The following MOK variants were observed in gnomAD, a reference collection of about 807,000 sequenced individuals.
MOK encodes the protein MAPK/MAK/MRK overlapping kinase.
MOK carries 59 observed loss-of-function variants against 54.2 expected under a neutral mutation model. The observed-to-expected ratio is 1.09, with a 90% CI of 0.88 to 1.35. The LOEUF (loss-of-function observed/expected upper bound fraction) is 1.35, where lower values mean the gene tolerates loss of function less well. Ranked by LOEUF, MOK falls within the 40% of genes most tolerant of loss-of-function variation. The pLI, the probability that MOK is intolerant of heterozygous loss-of-function variation, is 0.00. For synonymous variants in MOK, 210 were observed against 202.7 expected (o/e 1.04, Z -0.31); for missense variants, 517 against 526.2 (o/e 0.98, Z 0.17).
chr14:102,253,580 G>A (rs1460087111), intron 4 of MOK, among the ~76,000 whole-genome samples: 1 of 152,216 alleles, frequency 6.6e-6, no homozygotes, highest in African/African-American at 2.4e-5. Flanking sequence ...TTTCACAGGA[G>A]AGGCCGTTTA....
At chr14:102,222,964 C>T, downstream of MOK, 1 of 1,563,616 alleles carries the variant, frequency 6.4e-7, no homozygotes, top group Non-Finnish European at 8.8e-7. The surrounding 1 kb of genome is among the most constrained non-coding windows in gnomAD (Gnocchi z 4.4). Context: ...TGCGCCTGAG[C>T]CGTGCCAGCC....
chr14:102,281,498 C>CAA (rs1184533713), intron 2 of MOK, among the ~76,000 whole-genome samples: 44 of 48,216 alleles, frequency 9.1e-4, no homozygotes, highest in Admixed American at 1.3e-3. Context: ...GACCCTGACT[C>CAA]AAAAAAAAAA....
At chr14:102,253,864 A>C (rs902511793) in intron 4 of MOK, among the ~76,000 whole-genome samples, 1 of 152,238 alleles carries the variant, frequency 6.6e-6, no homozygotes, top group African/African-American at 2.4e-5. Flanking sequence ...ACCATTTGAC[A>C]CTTTTGGTCC....
At chr14:102,242,769 T>C (rs1478479508) in intron 7 of MOK, among the ~76,000 whole-genome samples, 1 of 152,204 alleles carries the variant, frequency 6.6e-6, no homozygotes, top group Non-Finnish European at 1.5e-5. Context: ...TCAACCAAAT[T>C]GTTTTGCCTA....
In MOK at chr14:102,231,004, A is replaced by G. The variant is rs544094671; in HGVS notation, c.981+703T>C. On this transcript the variant is annotated intron_variant, in intron 10 of 11. Coordinates refer to ENST00000361847, the MANE Select transcript of MOK (RefSeq NM_014226.3). This position sits in a 1 kb window ranked among gnomAD's most constrained non-coding sequence, Gnocchi z 4.4. ...CCCAGCTCCCAAGCGGTCAGGGAGC[A>G]CTCGGTAAAGGCTGGGAGGAGCGAG... The G allele has an allele frequency of 3.3e-5, 5 of 152,402 alleles. No homozygotes were observed. Among genetic ancestry groups the G allele is most frequent in the Admixed American group, 2.6e-4 (4 of 15,298 alleles). 9.4% of individuals were successfully genotyped at this position (152,402 alleles called of 1,614,324 possible).
the MOK span, among the ~76,000 whole-genome samples, chr14:102,216,912 G>T: frequency 6.6e-6 from 1 of 152,138 alleles, no homozygotes; most frequent in African/African-American, 2.4e-5. Flanking sequence ...CAGCCTGGGC[G>T]ACAGAGCGAG....
At chr14:102,251,208 T>G (rs1025747337) in intron 6 of MOK, among the ~76,000 whole-genome samples, 2 of 152,258 alleles carry the variant, frequency 1.3e-5, no homozygotes, top group Non-Finnish European at 2.9e-5. Context: ...TCTGGCTGTT[T>G]CACATATATT....
chr14:102,226,762 T>C (rs940182613), downstream of MOK, among the ~76,000 whole-genome samples: 5 of 152,150 alleles, frequency 3.3e-5, no homozygotes, highest in African/African-American at 9.7e-5. The surrounding 1 kb of genome is among the most constrained non-coding windows in gnomAD (Gnocchi z 4.8). Context: ...ATCATCACCC[T>C]CGGAATCTCC....
At chr14:102,298,125 T>G (rs544945835) in intron 1 of MOK, among the ~76,000 whole-genome samples, 13 of 152,326 alleles carry the variant, frequency 8.5e-5, no homozygotes, top group Non-Finnish European at 1.8e-4. Flanking sequence ...TGGTGTGGGA[T>G]CCACTAGGTG....
At chr14:102,247,667 C>T (rs2066192854) in intron 7 of MOK, among the ~76,000 whole-genome samples, 1 of 152,224 alleles carries the variant, frequency 6.6e-6, no homozygotes, top group Non-Finnish European at 1.5e-5. Flanking sequence ...GATTCTTTAG[C>T]AGCAGCGCTT....
At chr14:102,256,498 C>A (rs1002795783) in intron 4 of MOK, among the ~76,000 whole-genome samples, 3 of 151,490 alleles carry the variant, frequency 2.0e-5, no homozygotes, top group African/African-American at 7.3e-5. Flanking sequence ...GGCGTGAACC[C>A]GGGAGGCGGA....
chr14:102,226,960 C>G (rs1376095613), downstream of MOK, among the ~76,000 whole-genome samples: 1 of 152,114 alleles, frequency 6.6e-6, no homozygotes, highest in Non-Finnish European at 1.5e-5. This position sits in a 1 kb window ranked among gnomAD's most constrained non-coding sequence, Gnocchi z 4.8. Flanking sequence ...CCGAGTCTAA[C>G]TAAACCAGGA....
At chr14:102,265,011 C>T (rs1349213410) in intron 3 of MOK, among the ~76,000 whole-genome samples, 1 of 152,298 alleles carries the variant, frequency 6.6e-6, no homozygotes, top group Non-Finnish European at 1.5e-5. Flanking sequence ...AGGCAGGCAC[C>T]GAGGGACAAG....
chr14:102,221,218 T>C (rs909965672), downstream of MOK, among the ~76,000 whole-genome samples: 7 of 152,234 alleles, frequency 4.6e-5, no homozygotes, highest in African/African-American at 1.7e-4. The surrounding 1 kb of genome is among the most constrained non-coding windows in gnomAD (Gnocchi z 4.8). Flanking sequence ...GTGGCCCCTC[T>C]CCGTCTGTCC....
In MOK at chr14:102,260,045, G is replaced by C. The variant is rs978065205; in HGVS notation, c.283+3501C>G. On this transcript the variant is annotated intron_variant, in intron 4 of 11. Transcript: ENST00000361847. ...ATACAAAATTAGCTGGGGTGGTGGCGCATGCCTGTAATCCCAGCTACTTGG... is the reference window on the plus strand; with the variant it reads ...ATACAAAATTAGCTGGGGTGGTGGCCCATGCCTGTAATCCCAGCTACTTGG... Among the ~76,000 whole-genome samples, 3 of 152,062 alleles carry C rather than the reference G, an allele frequency of 2.0e-5. No homozygotes were observed. In the South Asian group the frequency reaches 6.2e-4, roughly 32 times the overall value.
chr14:102,247,809 C>T (rs1416721527), intron 7 of MOK, among the ~76,000 whole-genome samples: 1 of 152,208 alleles, frequency 6.6e-6, no homozygotes, highest in Non-Finnish European at 1.5e-5. Flanking sequence ...CACTAAAGGA[C>T]CGAGCACAAA....
rs1181173307 is a variant in MOK at position 102,232,524 on chromosome 14, A to G, written c.866+11T>C. On this transcript the variant is annotated intron_variant, in intron 9 of 11. Transcript: ENST00000361847. This position sits in a 1 kb window ranked among gnomAD's most constrained non-coding sequence, Gnocchi z 5.1. ...CTGCATCTGCCCCACCGAACCCACGAGAGTGCCTACCTCTGTTCTTGGAAG... is the reference window on the plus strand; with the variant it reads ...CTGCATCTGCCCCACCGAACCCACGGGAGTGCCTACCTCTGTTCTTGGAAG... 1.2e-6 allele frequency: 2 copies of G among 1,608,722 alleles called. No individual in the cohort carries two copies. The highest frequency in any genetic ancestry group is 1.7e-4 in the Middle Eastern group (1 of 5,874).
chr14:102,232,712 T>C lies in MOK; in HGVS notation c.693-4A>G, dbSNP rs1295255622. On this transcript the variant is annotated splice_polypyrimidine_tract_variant and splice_region_variant and intron_variant, in intron 8 of 11. Transcript: ENST00000361847. This position sits in a 1 kb window ranked among gnomAD's most constrained non-coding sequence, Gnocchi z 5.1. The stretch of plus-strand genomic sequence containing the variant: ...ATCAAAATTCATAGCTCTCGACCTG[T>C]ATTAAAAACCCAATGATAATAAATG... 2 of 1,609,576 alleles carry C rather than the reference T, an allele frequency of 1.2e-6. No individual in the cohort carries two copies. The highest frequency in any genetic ancestry group is 1.1e-5 in the South Asian group (1 of 90,772).
intron 10 of MOK, chr14:102,229,966 TCACAC>T: frequency 2.8e-6 from 1 of 360,626 alleles, no homozygotes; most frequent in Non-Finnish European, 5.0e-6. Flanking sequence ...CTCCAAGGTC[TCACAC>T]CCTGATCTGC....
Sources: allele counts gnomAD v4.1 joint callset (sites outside exome capture counted in the v4.1 genomes callset), GRCh38; gene constraint gnomAD v4.1.1; non-coding constraint Gnocchi (gnomAD v3.1); transcripts MANE v1.5; gene names NCBI Gene and HGNC (gene_info 2026-07-23, HGNC 2026-07-21).